The following TMEM132C variants were observed in gnomAD, a reference collection of about 807,000 sequenced individuals.
The protein encoded by TMEM132C is transmembrane protein 132C.
TMEM132C carries 29 observed loss-of-function variants against 61.4 expected under a neutral mutation model. The ratio of observed to expected loss-of-function variants is 0.47; its 90% CI spans 0.35 to 0.64. The LOEUF (loss-of-function observed/expected upper bound fraction) is 0.64, where lower values mean the gene tolerates loss of function less well. Ranked by LOEUF, TMEM132C falls within the 30% of genes least tolerant of loss-of-function variation. TMEM132C has a pLI of 0.00. For synonymous variants in TMEM132C, 656 were observed against 633.1 expected, an observed-to-expected ratio of 1.04 and a Z score of -0.54; for missense variants, 1,408 against 1,476.9, an observed-to-expected ratio of 0.95 and a Z score of 0.76.
At chr12:128,349,525 C>G (rs1468788458) in intron 1 of TMEM132C, among the ~76,000 whole-genome samples, 2 of 152,118 alleles carry the variant, frequency 1.3e-5, no homozygotes, top group East Asian at 3.9e-4. Flanking sequence ...ACAAGCACTC[C>G]CCACCTCCCT....
At chr12:128,318,698 A>G (rs1872228705) in intron 1 of TMEM132C, among the ~76,000 whole-genome samples, 1 of 152,230 alleles carries the variant, frequency 6.6e-6, no homozygotes, top group African/African-American at 2.4e-5. Context: ...CTCAGCTTTA[A>G]TTAATTGACA....
At chr12:128,471,581 G>C (rs920014164) in intron 2 of TMEM132C, among the ~76,000 whole-genome samples, 1 of 152,232 alleles carries the variant, frequency 6.6e-6, no homozygotes, top group African/African-American at 2.4e-5. Context: ...ATGGGAGGCA[G>C]CCTGTAACCG....
chr12:128,614,861 C>G (rs916019671), intron 3 of TMEM132C, among the ~76,000 whole-genome samples: 5 of 152,166 alleles, frequency 3.3e-5, no homozygotes, highest in African/African-American at 1.2e-4. Flanking sequence ...AGGGACAGGG[C>G]AGCCAGTGAT....
chr12:128,490,301 G>A (rs990674136), intron 2 of TMEM132C, among the ~76,000 whole-genome samples: 3 of 152,174 alleles, frequency 2.0e-5, no homozygotes, highest in South Asian at 2.1e-4. Flanking sequence ...TGTCGTAGGA[G>A]CTTTCCTGGC....
rs143369104 is a variant in TMEM132C at position 128,405,336 on chromosome 12, G to C, written c.86-9396G>C. Among the ~76,000 whole-genome samples the C allele has an allele frequency of 8.4e-3, 1,274 of 152,246 alleles. 15 individuals are homozygous for C. The highest frequency in any genetic ancestry group is 0.027 in the South Asian group (130 of 4,826). On this transcript the variant is annotated intron_variant, in intron 1 of 8. Coordinates refer to ENST00000435159, the MANE Select transcript of TMEM132C (RefSeq NM_001136103.3). ...GAGGTAAGTTTAGGGAGCGTACAGG[G>C]TGCTGCAGCCTGTGTGGGTGCAGAT...
intron 3 of TMEM132C, among the ~76,000 whole-genome samples, chr12:128,587,957 TA>T (rs1447974167): frequency 2.0e-5 from 3 of 152,058 alleles, no homozygotes; most frequent in Non-Finnish European, 4.4e-5. Flanking sequence ...ATAATAGTAA[TA>T]AAAATAACAG....
At chr12:128,572,258 G>C (rs1874916197) in intron 3 of TMEM132C, among the ~76,000 whole-genome samples, 1 of 145,862 alleles carries the variant, frequency 6.9e-6, no homozygotes, top group South Asian at 2.1e-4. Flanking sequence ...GGTCTCTGCT[G>C]GTCTCTGGTC....
At chr12:128,487,602 GGTAT>G (rs1377964737) in intron 2 of TMEM132C, among the ~76,000 whole-genome samples, 1 of 51,138 alleles carries the variant, frequency 2.0e-5, no homozygotes, top group Non-Finnish European at 3.8e-5. Flanking sequence ...TGTGTGTGTG[GGTAT>G]ATATATATAT....
intron 1 of TMEM132C, among the ~76,000 whole-genome samples, chr12:128,366,678 G>A (rs966001492): frequency 3.9e-5 from 6 of 152,208 alleles, no homozygotes; most frequent in Admixed American, 1.3e-4. Flanking sequence ...GAGTGGTCAA[G>A]CCAGTTCCTC....
intron 1 of TMEM132C, among the ~76,000 whole-genome samples, chr12:128,367,957 C>T (rs1024702195): frequency 3.3e-5 from 5 of 152,168 alleles, no homozygotes; most frequent in African/African-American, 7.2e-5. Flanking sequence ...TGGTCTAGAC[C>T]GTGCTAACTG....
At chr12:128,589,298 G>A (rs1421417164) in intron 3 of TMEM132C, among the ~76,000 whole-genome samples, 2 of 152,120 alleles carry the variant, frequency 1.3e-5, no homozygotes, top group Non-Finnish European at 2.9e-5. Context: ...CCCTGCAAGG[G>A]CCTCCCCTTG....
chr12:128,309,763 C>T (rs971086523), intron 1 of TMEM132C, among the ~76,000 whole-genome samples: 9 of 149,656 alleles, frequency 6.0e-5, no homozygotes, highest in South Asian at 2.1e-4. Flanking sequence ...GATGGAGTCT[C>T]GCTGCGTCAC....
intron 3 of TMEM132C, among the ~76,000 whole-genome samples, chr12:128,549,350 A>T (rs1874073791): frequency 6.6e-6 from 1 of 152,278 alleles, no homozygotes; most frequent in African/African-American, 2.4e-5. Context: ...CACCACCCAG[A>T]CATACGGGGT....
At chr12:128,341,815 A>G (rs1439525602) in intron 1 of TMEM132C, among the ~76,000 whole-genome samples, 1 of 152,208 alleles carries the variant, frequency 6.6e-6, no homozygotes, top group Non-Finnish European at 1.5e-5. Flanking sequence ...GCACCATTTC[A>G]CTACTTTGTA....
intron 2 of TMEM132C, among the ~76,000 whole-genome samples, chr12:128,478,587 G>A (rs1354769155): frequency 6.6e-6 from 1 of 152,170 alleles, no homozygotes; most frequent in African/African-American, 2.4e-5. Context: ...AATTGAACTG[G>A]TAAAGTACTT....
At position 128,545,099 on chromosome 12, in the gene TMEM132C, G is replaced by A. The variant is rs146470202; in HGVS notation, c.1121+996G>A. ...TGGTGAACAGAGCACCGAATAGGTC[G>A]TTTTTCAGCCCTTTATTCCCTCCCT... On this transcript the variant is annotated intron_variant, in intron 3 of 8. Coordinates refer to ENST00000435159, the MANE Select transcript of TMEM132C (RefSeq NM_001136103.3). Among the ~76,000 whole-genome samples the A allele has an allele frequency of 4.4e-3, 670 of 152,250 alleles. 1 individual carries two copies. The highest frequency in any genetic ancestry group is 0.034 in the Middle Eastern group (10 of 294).
intron 1 of TMEM132C, chr12:128,400,310 T>G (rs1875108808): frequency 6.6e-6 from 1 of 152,246 alleles, no homozygotes; most frequent in Admixed American, 6.5e-5. Flanking sequence ...AGATTCCAGA[T>G]GGATAACAGT....
At chr12:128,316,481 A>G (rs775107354) in intron 1 of TMEM132C, among the ~76,000 whole-genome samples, 1 of 152,170 alleles carries the variant, frequency 6.6e-6, no homozygotes, top group Non-Finnish European at 1.5e-5. Context: ...CAGGCATCCC[A>G]TTTAGAAAGG....
At chr12:128,353,651 T>C (rs564879029) in intron 1 of TMEM132C, among the ~76,000 whole-genome samples, 4 of 152,288 alleles carry the variant, frequency 2.6e-5, no homozygotes, top group Admixed American at 2.0e-4. Flanking sequence ...ATGCTGTTTG[T>C]TTTCCCACAT....
Sources: allele counts gnomAD v4.1 joint callset (sites outside exome capture counted in the v4.1 genomes callset), GRCh38; gene constraint gnomAD v4.1.1; transcripts MANE v1.5; gene names NCBI Gene and HGNC (gene_info 2026-07-23, HGNC 2026-07-21).